UBR1: variants seen among roughly 807,000 people sequenced by gnomAD.
UBR1 encodes E3 ubiquitin-protein ligase UBR1.
In UBR1, 102 loss-of-function variants were observed where a neutral mutation model predicts 242.1. The observed-to-expected ratio is 0.42, with a 90% CI of 0.36 to 0.50. UBR1 has a LOEUF of 0.50. UBR1 is among the 20% of genes least tolerant of loss of function. The pLI is 0.01. For missense variants in UBR1, 1,772 were observed against 2,101.8 expected, an observed-to-expected ratio of 0.84 and a Z score of 3.07; for synonymous variants, 675 against 684.8, an observed-to-expected ratio of 0.99 and a Z score of 0.22.
intron 14 of UBR1, among the ~76,000 whole-genome samples, chr15:43,044,604 C>T (rs7176957): frequency 0.24 from 36,665 of 152,062 alleles, 5,296 homozygotes; most frequent in African/African-American, 0.4. Flanking sequence ...TTTAGAAATT[C>T]AGTAGCGGCT....
chr15:43,033,158 GTGGCATGCGCCACTGCTCC>G (rs1196111826), intron 19 of UBR1, among the ~76,000 whole-genome samples: 1 of 152,046 alleles, frequency 6.6e-6, no homozygotes, highest in East Asian at 1.9e-4. Context: ...GCCAGGTGCA[GTGGCATGCGCCACTGCTCC>G]TGGCTATCCC....
rs546603068 is a variant in UBR1 at position 42,977,933 on chromosome 15, T to G, written c.4165A>C (p.Ile1389Leu). 1.7e-4 allele frequency: 269 copies of G among 1,613,032 alleles called. 4 individuals carry two copies. The South Asian group carries it at 2.9e-3, about 17-fold the overall frequency. The change falls in exon 38 of 47, where the codon ATA (isoleucine) becomes CTA (leucine). Residue 1389 changes from isoleucine to leucine, a missense_variant. This residue lies in a region of UBR1 where 965 missense variants were observed against 1,079.7 expected (regional missense o/e 0.89). Coordinates refer to ENST00000290650, the MANE Select transcript of UBR1 (RefSeq NM_174916.3). ...AGGCATGGTGTATCTTCTGATTTTA[T>G]GTTAGGAAGAACAACTAAAACAAAC... The part of the protein sequence containing the change: ...VRLLSVVLPN[I>L]KSEDTPCLLS...
chr15:42,971,292 A>G (rs1356072530), intron 39 of UBR1, among the ~76,000 whole-genome samples: 1 of 152,194 alleles, frequency 6.6e-6, no homozygotes, highest in Non-Finnish European at 1.5e-5. Flanking sequence ...GCTCAAGCAA[A>G]GGGTCCCATA....
intron 39 of UBR1, among the ~76,000 whole-genome samples, chr15:42,970,930 G>A (rs1001592463): frequency 6.6e-6 from 1 of 151,936 alleles, no homozygotes; most frequent in Admixed American, 6.6e-5. Context: ...AGTCAGGCTG[G>A]TCTTGAAATC....
chr15:42,974,715 C>T (rs2032261270), intron 39 of UBR1, among the ~76,000 whole-genome samples: 1 of 152,186 alleles, frequency 6.6e-6, no homozygotes, highest in Non-Finnish European at 1.5e-5. Context: ...CTACAGCAAT[C>T]CTTACACATC....
intron 17 of UBR1, 87 bp downstream of exon 17, chr15:43,037,686 A>T (rs992446119): frequency 8.7e-6 from 10 of 1,147,570 alleles, no homozygotes; most frequent in Non-Finnish European, 1.3e-5. Flanking sequence ...ACTCAGTAAA[A>T]TCTAGGAACA....
intron 33 of UBR1, among the ~76,000 whole-genome samples, chr15:42,994,961 C>T (rs1448864687): frequency 1.3e-5 from 2 of 152,128 alleles, no homozygotes; most frequent in Non-Finnish European, 2.9e-5. Context: ...TCCATGATTT[C>T]TTTTTTAAAG....
chr15:43,023,598 CAAAAAAAAAAAAAA>C (rs35071600), intron 25 of UBR1, among the ~76,000 whole-genome samples: 4 of 39,952 alleles, frequency 1.0e-4, no homozygotes, highest in Admixed American at 9.3e-4. Context: ...AACTCCATCT[CAAAAAAAAAAAAAA>C]AAAAAAAAAA....
chr15:42,996,474 G>T (rs2032640330), intron 33 of UBR1, among the ~76,000 whole-genome samples: 1 of 152,110 alleles, frequency 6.6e-6, no homozygotes, highest in Non-Finnish European at 1.5e-5. Flanking sequence ...GTGTAAGCCT[G>T]TGGTTCCAGC....
chr15:43,090,579 G>GTTA (rs1567150041), intron 1 of UBR1, among the ~76,000 whole-genome samples: 1 of 151,352 alleles, frequency 6.6e-6, no homozygotes, highest in East Asian at 1.9e-4. Context: ...AATGTTCTAT[G>GTTA]TTATACCTAA....
chr15:43,002,619 G>T lies in UBR1; in HGVS notation c.3595C>A (p.Leu1199Ile). The change falls in exon 32 of 47, where the codon CTT becomes ATT. Residue 1199 changes from leucine to isoleucine, a missense_variant. This residue lies in a region of UBR1 where 965 missense variants were observed against 1,079.7 expected (regional missense o/e 0.89). Coordinates refer to ENST00000290650, the MANE Select transcript of UBR1 (RefSeq NM_174916.3). ...DLESGEYLCP[L>I]CKSLCNTVIP... ...ACAGTATTGCACAGAGATTTGCAAA[G>T]AGGGCAAAGATATTCTCCACTTTCC... 2 of 1,614,144 alleles carry T rather than the reference G, an allele frequency of 1.2e-6. No individual in the cohort carries two copies. The highest frequency in any genetic ancestry group is 3.3e-5 in the Admixed American group (2 of 60,012).
At chr15:43,071,927 T>C (rs1431286533) in intron 4 of UBR1, among the ~76,000 whole-genome samples, 1 of 152,074 alleles carries the variant, frequency 6.6e-6, no homozygotes, top group Non-Finnish European at 1.5e-5. Context: ...TAAAAAATAA[T>C]GTAAAAAGAT....
chr15:42,965,651 G>C (rs2032093535), intron 41 of UBR1, among the ~76,000 whole-genome samples: 1 of 152,034 alleles, frequency 6.6e-6, no homozygotes, highest in African/African-American at 2.4e-5. Flanking sequence ...ATTTTTAGTA[G>C]AGACGGGGTT....
intron 6 of UBR1, among the ~76,000 whole-genome samples, chr15:43,063,366 T>G (rs1047163716): frequency 3.3e-5 from 5 of 152,250 alleles, no homozygotes; most frequent in Non-Finnish European, 7.3e-5. Flanking sequence ...CCTGGGACAC[T>G]GGTTTATCCT....
intron 17 of UBR1, among the ~76,000 whole-genome samples, chr15:43,037,363 G>GA (rs1422810125): frequency 7.0e-6 from 1 of 142,578 alleles, no homozygotes; most frequent in Non-Finnish European, 1.5e-5. Context: ...AAAAAAAAAA[G>GA]AAAAAGGAAA....
intron 9 of UBR1, among the ~76,000 whole-genome samples, 156 bp downstream of exon 9, chr15:43,058,929 C>G (rs576655755): frequency 6.6e-6 from 1 of 152,298 alleles, no homozygotes; most frequent in Admixed American, 6.5e-5. Flanking sequence ...AGAATACATA[C>G]TGACTGGTTA....
At chr15:43,005,850 G>A (rs546027948) in intron 30 of UBR1, among the ~76,000 whole-genome samples, 8 of 149,170 alleles carry the variant, frequency 5.4e-5, no homozygotes, top group East Asian at 3.9e-4. Flanking sequence ...GATTAAGGGC[G>A]GGGCAAGATG....
rs369926923 is a variant in UBR1 at position 42,979,041 on chromosome 15, C to T, written c.4151-1094G>A. ...TCCCGAGTAGCTGGGACCACAGGCA[C>T]GTGCCACCATGCCCAGCTAATTTTT... is the stretch of plus-strand genomic sequence containing the variant. On this transcript the variant is annotated intron_variant, in intron 37 of 46. Transcript: ENST00000290650. Among the ~76,000 whole-genome samples, 677 of 151,834 alleles carry T rather than the reference C, an allele frequency of 4.5e-3. 3 individuals are homozygous for T. Among genetic ancestry groups the T allele is most frequent in the Non-Finnish European group, 7.5e-3 (509 of 67,918 alleles).
chr15:43,064,508 C>G (rs2033729115), intron 6 of UBR1, among the ~76,000 whole-genome samples: 1 of 151,926 alleles, frequency 6.6e-6, no homozygotes, highest in South Asian at 2.1e-4. Context: ...GTTAGAGAAC[C>G]AGGGATATTG....
Sources: gnomAD v4.1 joint callset for allele counts (sites outside exome capture counted in the v4.1 genomes callset) on GRCh38, gnomAD v4.1.1 for gene constraint, gnomAD v4.1.1 regional missense constraint, MANE v1.5 for transcripts, NCBI Gene and HGNC (gene_info 2026-07-23, HGNC 2026-07-21) for gene names.